The following DGCR2 variants were observed in gnomAD, a reference collection of about 807,000 sequenced individuals.
The protein encoded by DGCR2 is integral membrane protein DGCR2/IDD.
Under a neutral mutation model 51.6 loss-of-function variants are expected in DGCR2, and 24 were observed. The ratio of observed to expected loss-of-function variants is 0.47; its 90% confidence interval spans 0.34 to 0.65. DGCR2 has a LOEUF of 0.65. DGCR2 is among the 30% of genes least tolerant of loss of function. DGCR2 has a pLI of 0.01. For missense variants in DGCR2, 765 were observed against 772.1 expected, an observed-to-expected ratio of 0.99 and a Z score of 0.11; for synonymous variants, 340 against 315.4, an observed-to-expected ratio of 1.08 and a Z score of -0.82.
chr22:19,040,059 A>T (rs2082414459), intron 9 of DGCR2, among the ~76,000 whole-genome samples: 1 of 152,150 alleles, frequency 6.6e-6, no homozygotes, highest in Non-Finnish European at 1.5e-5. Flanking sequence ...TAACAGCACA[A>T]GGCCCCGGTG....
chr22:19,113,196 C>A (rs1038014710), intron 1 of DGCR2, among the ~76,000 whole-genome samples: 2 of 151,910 alleles, frequency 1.3e-5, no homozygotes, highest in Non-Finnish European at 2.9e-5. Flanking sequence ...ATGGTGAAAC[C>A]CCATCTTTAC....
In DGCR2 at chr22:19,037,883, T is replaced by C. The variant is rs2082388261; in HGVS notation, c.*982A>G. On this transcript the variant is annotated 3_prime_UTR_variant, in exon 10 of 10. Transcript: ENST00000263196. ...GCAGTAGTGGCGGTGATGTAAGGAG[T>C]GGACTTTAAGGAGATAGATGCAGCC... 1 of 151,314 alleles carries C rather than the reference T, an allele frequency of 6.6e-6. No homozygotes were observed. The highest frequency in any genetic ancestry group is 1.5e-5 in the Non-Finnish European group (1 of 67,660). 9.4% of individuals were successfully genotyped at this position (151,314 alleles called of 1,614,324 possible).
intron 1 of DGCR2, among the ~76,000 whole-genome samples, chr22:19,113,456 G>A (rs573054424): frequency 2.6e-5 from 4 of 151,876 alleles, no homozygotes; most frequent in African/African-American, 4.8e-5. Context: ...TCTTGGGCTA[G>A]ACTGAAAAGA....
rs370066699 is a variant in DGCR2 at position 19,048,649 on chromosome 22, A to G, written c.803-6T>C. The G allele has an allele frequency of 1.5e-5, 24 of 1,613,996 alleles. No homozygotes were observed. Among genetic ancestry groups the G allele is most frequent in the Non-Finnish European group, 2.0e-5 (24 of 1,179,952 alleles). Reference sequence around the variant, plus strand: ...GATGTCAACACATGTTTGACCTGCAATGAGCATACATTGTGTACAGATGTA... The same window carrying G: ...GATGTCAACACATGTTTGACCTGCAGTGAGCATACATTGTGTACAGATGTA... On this transcript the variant is annotated splice_region_variant and splice_polypyrimidine_tract_variant and intron_variant, in intron 6 of 9. Coordinates refer to ENST00000263196, the MANE Select transcript of DGCR2 (RefSeq NM_005137.3).
In DGCR2 at chr22:19,037,742, T is replaced by C. The variant is rs1488527781; in HGVS notation, c.*1123A>G. 2 of 152,372 alleles carry C rather than the reference T, an allele frequency of 1.3e-5. No individual in the cohort carries two copies. The highest frequency in any genetic ancestry group is 2.9e-5 in the Non-Finnish European group (2 of 68,034). 9.4% of individuals were successfully genotyped at this position (152,372 alleles called of 1,614,324 possible). A position where few individuals can be genotyped will look rare whatever the true frequency, so the allele number is the denominator to read the frequency against. On this transcript the variant is annotated 3_prime_UTR_variant, in exon 10 of 10. Transcript: ENST00000263196. ...GCCCTGTGTCAGGCAACAAAACCAC[T>C]GCCCAGGAGCAGGCAACAGGGTCCG... is the stretch of plus-strand genomic sequence containing the variant.
Position 19,068,175 on chromosome 22 carries a change from G to C in DGCR2, c.253C>G (p.Arg85Gly), listed in dbSNP as rs147748890. 6.2e-7 allele frequency: 1 copy of C among 1,611,290 alleles called. No individual in the cohort carries two copies. Among genetic ancestry groups the C allele is most frequent in the Non-Finnish European group, 8.5e-7 (1 of 1,179,074 alleles). The change falls in exon 3 of 10, where the codon CGG becomes GGG. Residue 85 changes from arginine (R) to glycine (G), a missense_variant. By Grantham distance (125) the Arg-to-Gly change is moderately radical (BLOSUM62 -2). Around this residue, in one of 3 missense-constraint regions of DGCR2, gnomAD observed 370 missense variants for 325.5 expected, o/e 1.14. Transcript: ENST00000263196. ...TCGCCTCCTCTGGCCCGCCCCTGCC[G>C]CGGATCCACAGCCTCCTTCCCATGA... is the stretch of plus-strand genomic sequence containing the variant. The part of the protein sequence containing the change: ...PHHGKEAVDP[R>G]QGRARGGDPS...
Position 19,063,055 on chromosome 22 carries a change from G to T in DGCR2, c.625+147C>A, listed in dbSNP as rs138258954. 1.5e-4 allele frequency: 107 copies of T among 700,536 alleles called. 2 individuals carry two copies. In the African/African-American group the frequency reaches 1.6e-3, roughly 10 times the overall value. The allele number at this position is 700,536 out of a possible 1,614,324, so 43.4% of individuals were successfully genotyped here. A position where few individuals can be genotyped will look rare whatever the true frequency, so the allele number is the denominator to read the frequency against. ...TGCAGGCTGCACTGGCCCCATGACC[G>T]CAGCCCTCCCTGCAACTGGGGCTCA... is the stretch of plus-strand genomic sequence containing the variant. On this transcript the variant is annotated intron_variant, in intron 5 of 9. Transcript: ENST00000263196.
chr22:19,059,749 G>A (rs1207587802), intron 5 of DGCR2, among the ~76,000 whole-genome samples: 1 of 152,066 alleles, frequency 6.6e-6, no homozygotes, highest in Non-Finnish European at 1.5e-5. Context: ...CCAGCCACCG[G>A]AGGACACCCT....
At chr22:19,093,679 C>T (rs2083105504) in intron 1 of DGCR2, among the ~76,000 whole-genome samples, 1 of 152,066 alleles carries the variant, frequency 6.6e-6, no homozygotes, top group Admixed American at 6.6e-5. Flanking sequence ...GCTCAAATTT[C>T]AATAAGAAAA....
At chr22:19,059,901 C>T (rs1251561241) in intron 5 of DGCR2, among the ~76,000 whole-genome samples, 1 of 152,158 alleles carries the variant, frequency 6.6e-6, no homozygotes, top group East Asian at 1.9e-4. Context: ...GCCCCCGAGT[C>T]CCCCATTGTT....
Position 19,039,223 on chromosome 22 carries a change from C to A in DGCR2, c.1397-102G>T, listed in dbSNP as rs2082405195. 5 of 1,464,542 alleles carry A rather than the reference C, an allele frequency of 3.4e-6. No individual in the cohort carries two copies. In the South Asian group the frequency reaches 5.2e-5, roughly 15 times the overall value. The allele number at this position is 1,464,542 out of a possible 1,614,324, so 90.7% of individuals were successfully genotyped here. ...AGGAGACACTCCTCCTGCCTGAAGGCCCCCCTGAAGCTGGGTGGTGAGCAG... is the reference window on the plus strand; with the variant it reads ...AGGAGACACTCCTCCTGCCTGAAGGACCCCCTGAAGCTGGGTGGTGAGCAG... On this transcript the variant is annotated intron_variant, in intron 9 of 9. Transcript: ENST00000263196.
At chr22:19,070,095 G>A (rs578236478) in intron 2 of DGCR2, among the ~76,000 whole-genome samples, 1 of 152,292 alleles carries the variant, frequency 6.6e-6, no homozygotes, top group East Asian at 1.9e-4. Context: ...GGGACCATCA[G>A]CTCTTTAGGA....
At chr22:19,069,279 A>C (rs1013440135) in intron 2 of DGCR2, among the ~76,000 whole-genome samples, 11 of 152,202 alleles carry the variant, frequency 7.2e-5, no homozygotes, top group Admixed American at 1.3e-4. Context: ...TCCTTCCCTG[A>C]ACCTGAACCG....
At chr22:19,041,594 C>T in intron 8 of DGCR2, 2 of 624,592 alleles carry the variant, frequency 3.2e-6, no homozygotes, top group South Asian at 2.0e-5. Flanking sequence ...CCCTCAGAGG[C>T]CTCCGAGTTC....
chr22:19,100,552 G>C (rs1338326584), intron 1 of DGCR2, among the ~76,000 whole-genome samples: 2 of 151,944 alleles, frequency 1.3e-5, no homozygotes, highest in African/African-American at 4.8e-5. Context: ...TGTGGTCCCA[G>C]CTACTCGGGA....
chr22:19,059,313 C>A (rs2082635818), intron 5 of DGCR2, among the ~76,000 whole-genome samples: 1 of 151,810 alleles, frequency 6.6e-6, no homozygotes, highest in African/African-American at 2.4e-5. Context: ...GTGTTAGATC[C>A]CGGTGGGGGC....
intron 9 of DGCR2, among the ~76,000 whole-genome samples, chr22:19,040,473 A>AACAGAG (rs553306153): frequency 6.6e-6 from 1 of 152,216 alleles, no homozygotes; most frequent in African/African-American, 2.4e-5. Flanking sequence ...TGCACTGCTC[A>AACAGAG]ACAGAGACAG....
chr22:19,073,425 TAA>T (rs980369483), intron 2 of DGCR2, among the ~76,000 whole-genome samples: 7 of 151,878 alleles, frequency 4.6e-5, no homozygotes, highest in Non-Finnish European at 1.0e-4. Context: ...TTCCCAATAA[TAA>T]AGAGTTCCAG....
In DGCR2 at chr22:19,083,432, C is replaced by T. The variant is rs1011397449; in HGVS notation, c.202+5936G>A. On this transcript the variant is annotated intron_variant, in intron 2 of 9. Coordinates refer to ENST00000263196, the MANE Select transcript of DGCR2 (RefSeq NM_005137.3). ...TCACAACGACCTCTCAATACTACGACTTAATTCTTCTCAACATTTTAGAAT... is the reference window on the plus strand; with the variant it reads ...TCACAACGACCTCTCAATACTACGATTTAATTCTTCTCAACATTTTAGAAT... Among the ~76,000 whole-genome samples the T allele has an allele frequency of 5.3e-5, 8 of 152,318 alleles. No individual in the cohort carries two copies. In the East Asian group the frequency reaches 9.6e-4, roughly 18 times the overall value.
Sources: allele counts gnomAD v4.1 joint callset (sites outside exome capture counted in the v4.1 genomes callset), GRCh38; gene constraint gnomAD v4.1.1; regional missense constraint gnomAD v4.1.1; transcripts MANE v1.5; gene names NCBI Gene and HGNC (gene_info 2026-07-23, HGNC 2026-07-21).